KTN1: variants seen among roughly 807,000 people sequenced by gnomAD.
KTN1 encodes the protein kinectin 1.
Under a neutral mutation model 222.5 loss-of-function variants are expected in KTN1, and 130 were observed. The ratio of observed to expected loss-of-function variants is 0.58; its 90% CI spans 0.51 to 0.68. The LOEUF (loss-of-function observed/expected upper bound fraction) is 0.68. Ranked by LOEUF, KTN1 falls within the 30% of genes least tolerant of loss-of-function variation. The probability of loss-of-function intolerance (pLI) is 0.00; values close to 1 mark genes in which losing one functional copy is unlikely to be tolerated. For synonymous variants in KTN1, 512 were observed against 496.3 expected (o/e 1.03, Z -0.42); for missense variants, 1,508 against 1,500.4 (o/e 1.01, Z -0.08).
chr14:55,679,264 T>A (rs1174542130), intron 42 of KTN1: 1 of 264,748 alleles, frequency 3.8e-6, no homozygotes, highest in Non-Finnish European at 7.0e-6. Context: ...GCGGGGCAAA[T>A]TTTCTTTTTC....
intron 40 of KTN1, chr14:55,675,311 A>G (rs2045801262): frequency 6.6e-6 from 1 of 152,268 alleles, no homozygotes; most frequent in African/African-American, 2.4e-5. Flanking sequence ...GCATTTCTTG[A>G]TGGTATAATA....
At chr14:55,651,214 C>G in intron 24 of KTN1, 1 of 454,588 alleles carries the variant, frequency 2.2e-6, no homozygotes, top group South Asian at 1.6e-5. Flanking sequence ...ATTGGTGGAT[C>G]ACTAGCTAGT....
chr14:55,661,323 A>G (rs972264911), intron 31 of KTN1, 199 bp from the exon 32 acceptor site: 28 of 459,850 alleles, frequency 6.1e-5, no homozygotes, highest in Middle Eastern at 5.6e-4. Context: ...TTAGGCATAA[A>G]AACTTATATT....
At position 55,659,437 on chromosome 14, in the gene KTN1, G is replaced by A. The variant is rs536836044; in HGVS notation, c.2962-229G>A. On this transcript the variant is annotated intron_variant, in intron 30 of 43. Coordinates refer to ENST00000395314, the MANE Select transcript of KTN1 (RefSeq NM_001079521.2). ...AATTGATAAATACTTATTAAATGAA[G>A]AGTTCAAGTACGTTGCGACAGTAGA... Among the ~76,000 whole-genome samples, 4 of 151,912 alleles carry A rather than the reference G, an allele frequency of 2.6e-5. No individual in the cohort carries two copies. In the South Asian group the frequency reaches 6.2e-4, roughly 24 times the overall value.
rs772341860 is a variant in KTN1 at position 55,675,937 on chromosome 14, A to G, written c.3855+19A>G. On this transcript the variant is annotated intron_variant, in intron 41 of 43. Coordinates refer to ENST00000395314, the MANE Select transcript of KTN1 (RefSeq NM_001079521.2). The stretch of plus-strand genomic sequence containing the variant: ...GCATAAGGTAGGCACTGTTCGTCCT[A>G]GAGATGTAGTATCATGAGCCTGTGT... 1 of 1,550,056 alleles carries G rather than the reference A, an allele frequency of 6.5e-7. No individual in the cohort carries two copies. The highest frequency in any genetic ancestry group is 1.4e-5 in the African/African-American group (1 of 73,660).
At chr14:55,609,759 C>T (rs769111479) in intron 1 of KTN1, among the ~76,000 whole-genome samples, 20 of 152,050 alleles carry the variant, frequency 1.3e-4, no homozygotes, top group Non-Finnish European at 2.6e-4. Flanking sequence ...CTGCTAAGTG[C>T]CTTAGCGTCT....
chr14:55,589,656 CTTTTTTTT>C (rs765755065), intron 1 of KTN1, among the ~76,000 whole-genome samples: 3 of 102,062 alleles, frequency 2.9e-5, no homozygotes, highest in South Asian at 3.8e-4. Context: ...CATCTGATTT[CTTTTTTTT>C]TTTTTTTTTT....
chr14:55,647,391 T>C (rs995350191), intron 19 of KTN1, among the ~76,000 whole-genome samples: 1 of 152,008 alleles, frequency 6.6e-6, no homozygotes, highest in East Asian at 1.9e-4. Context: ...TCCCAGCACT[T>C]TGGGAGGCTG....
chr14:55,670,410 A>G (rs899278499), intron 34 of KTN1, among the ~76,000 whole-genome samples: 1 of 152,070 alleles, frequency 6.6e-6, no homozygotes, highest in Non-Finnish European at 1.5e-5. Context: ...GGTGCTAGTA[A>G]GTGGTAGAGG....
chr14:55,646,051 A>G (rs1005951947), intron 18 of KTN1, among the ~76,000 whole-genome samples: 4 of 152,142 alleles, frequency 2.6e-5, no homozygotes, highest in African/African-American at 9.7e-5. Context: ...GTCTGAAGAT[A>G]AGGGAAGATA....
At chr14:55,631,234 G>T (rs1257995124) in intron 7 of KTN1, among the ~76,000 whole-genome samples, 2 of 150,786 alleles carry the variant, frequency 1.3e-5, no homozygotes, top group African/African-American at 2.4e-5. Context: ...CTTGACCAGT[G>T]ACTTTTTGAA....
rs769281116 is a variant in KTN1, at chr14:55,648,841, C to G, written c.2338C>G (p.Gln780Glu). Reference protein sequence around the residue: ...TENSSLTKEVQDLKAKQNDQV... With the variant: ...TENSSLTKEVEDLKAKQNDQV... ...AAATTCATCTCTGACAAAAGAAGTT[C>G]AAGACTTAAAAGCTAAGCAAAATGA... Residue 780 changes from glutamine to glutamate, a missense_variant, in exon 21 of 44, where the codon CAA becomes GAA. Gln to Glu is a conservative substitution (Grantham distance 29, BLOSUM62 2). Transcript: ENST00000395314. 21 of 1,604,516 alleles carry G rather than the reference C, an allele frequency of 1.3e-5. No individual in the cohort carries two copies. The South Asian group carries it at 2.2e-4, about 17-fold the overall frequency.
At chr14:55,628,815 T>TA (rs1371440203) in intron 6 of KTN1, among the ~76,000 whole-genome samples, 1 of 152,350 alleles carries the variant, frequency 6.6e-6, no homozygotes, top group East Asian at 1.9e-4. Context: ...TATGACTATA[T>TA]AAAAAATTAA....
chr14:55,673,956 A>T (rs2045673488), intron 40 of KTN1: 1 of 151,972 alleles, frequency 6.6e-6, no homozygotes, highest in Non-Finnish European at 1.5e-5. Context: ...AGCAATTGTT[A>T]TGTCTTCCTT....
intron 1 of KTN1, among the ~76,000 whole-genome samples, chr14:55,590,630 A>C (rs1030922047): frequency 2.0e-5 from 3 of 149,318 alleles, no homozygotes; most frequent in Admixed American, 6.7e-5. Flanking sequence ...CTTCTGTATG[A>C]GTTTATTTGT....
chr14:55,639,640 T>C (rs1348431802), intron 13 of KTN1, among the ~76,000 whole-genome samples: 1 of 151,828 alleles, frequency 6.6e-6, no homozygotes, highest in East Asian at 1.9e-4. Flanking sequence ...GCATGGACAC[T>C]GATCACTTGA....
Position 55,618,106 on chromosome 14 carries a change from T to TA in KTN1, c.810dup (p.Leu271ThrfsTer6), listed in dbSNP as rs2140730038. On this transcript the variant is annotated frameshift_variant, in exon 4 of 44. Coordinates refer to ENST00000395314, the MANE Select transcript of KTN1 (RefSeq NM_001079521.2). LOFTEE classifies it high-confidence loss of function. ...TAGAAGGGATCCAGAAATCTGGGAC[T>TA]AAAAAACTGAAGACCGAAACTGACA... The TA allele has an allele frequency of 1.2e-6, 2 of 1,611,896 alleles. No homozygotes were observed. The highest frequency in any genetic ancestry group is 1.7e-5 in the Admixed American group (1 of 59,752).
intron 3 of KTN1, among the ~76,000 whole-genome samples, chr14:55,617,255 A>C (rs904707101): frequency 2.0e-5 from 3 of 152,208 alleles, no homozygotes; most frequent in Non-Finnish European, 4.4e-5. Flanking sequence ...TAAATAAAAG[A>C]AGAGACATAT....
chr14:55,633,245 T>C lies in KTN1; in HGVS notation c.1232T>C (p.Val411Ala). The C allele has an allele frequency of 1.3e-6, 2 of 1,579,942 alleles. No homozygotes were observed. The highest frequency in any genetic ancestry group is 1.7e-6 in the Non-Finnish European group (2 of 1,163,324). The change falls in exon 8 of 44, where the codon GTT (valine) becomes GCT (alanine). Residue 411 changes from valine (V) to alanine (A), a missense_variant. By Grantham distance (64) the Val-to-Ala change is moderately conservative. Coordinates refer to ENST00000395314, the MANE Select transcript of KTN1 (RefSeq NM_001079521.2). ...GTAAAATAATTTTAGTTTCAGCAAG[T>C]TCGTGAGCAGATGGAGGCAGAGATA... Reference protein sequence around the residue: ...TQQMQMKFQQVREQMEAEIAH... With the variant: ...TQQMQMKFQQAREQMEAEIAH...
Sources: allele counts gnomAD v4.1 joint callset (sites outside exome capture counted in the v4.1 genomes callset), GRCh38; gene constraint gnomAD v4.1.1; transcripts MANE v1.5; gene names NCBI Gene and HGNC (gene_info 2026-07-23, HGNC 2026-07-21).